Variants in MYRIP observed in about 807,000 individuals in gnomAD.
The protein encoded by MYRIP is rab effector MyRIP.
In MYRIP, 49 loss-of-function variants were observed where a neutral mutation model predicts 98.0. That is an observed-to-expected ratio of 0.50 (90% CI 0.40 to 0.63). The LOEUF is 0.63. Ranked by LOEUF, MYRIP falls within the 30% of genes least tolerant of loss-of-function variation. MYRIP has a pLI of 0.00. For missense variants in MYRIP, 1,004 were observed against 1,058.2 expected (o/e 0.95, Z 0.71); for synonymous variants, 404 against 409.5 (o/e 0.99, Z 0.16).
chr3:39,962,160 C>T (rs899961546), intron 2 of MYRIP, among the ~76,000 whole-genome samples: 4 of 152,016 alleles, frequency 2.6e-5, no homozygotes, highest in African/African-American at 9.7e-5. Context: ...GCCTGTTTGC[C>T]CATCTATAGG....
chr3:39,817,261 C>CTT, intron 1 of MYRIP, among the ~76,000 whole-genome samples: 1 of 152,310 alleles, frequency 6.6e-6, no homozygotes, highest in Non-Finnish European at 1.5e-5. Context: ...ACAGTATCTG[C>CTT]ATGCTCCAGA....
At chr3:40,106,636 G>T (rs576833987) in intron 3 of MYRIP, among the ~76,000 whole-genome samples, 2 of 152,122 alleles carry the variant, frequency 1.3e-5, no homozygotes, top group East Asian at 3.9e-4. Flanking sequence ...TTGTTTGTTT[G>T]GTCCATCAGA....
rs111893710 is a variant in MYRIP at position 39,941,175 on chromosome 3, G to A, written c.110+40249G>A. On this transcript the variant is annotated intron_variant, in intron 2 of 16. Coordinates refer to ENST00000302541, the MANE Select transcript of MYRIP (RefSeq NM_015460.4). ...TTTAAAAAGAAAAGAGGCTTATTTG[G>A]CTCATGGTTCTTCAGGCTGTACAAG... Among the ~76,000 whole-genome samples the A allele has an allele frequency of 1.6e-3, 239 of 152,200 alleles. 1 individual carries two copies. The highest frequency in any genetic ancestry group is 5.6e-3 in the African/African-American group (234 of 41,538).
At chr3:40,043,933 G>C in intron 2 of MYRIP, 117 bp from the exon 3 acceptor site, 1 of 762,748 alleles carries the variant, frequency 1.3e-6, no homozygotes, top group Non-Finnish European at 2.1e-6. Flanking sequence ...TCTCCAGGAA[G>C]GTCCTACATG....
intron 1 of MYRIP, among the ~76,000 whole-genome samples, chr3:39,816,168 G>A (rs147072857): frequency 0.028 from 4,216 of 151,200 alleles, 190 homozygotes; most frequent in East Asian, 0.23. Context: ...TGCAAGCTCC[G>A]CCTCCTGGGT....
chr3:39,978,060 G>C (rs1439021023), intron 2 of MYRIP, among the ~76,000 whole-genome samples: 1 of 152,016 alleles, frequency 6.6e-6, no homozygotes, highest in African/African-American at 2.4e-5. Context: ...CCTGATATAC[G>C]AATTTACTGT....
chr3:39,991,145 T>A (rs1411830277), intron 2 of MYRIP, among the ~76,000 whole-genome samples: 2 of 152,164 alleles, frequency 1.3e-5, no homozygotes, highest in African/African-American at 4.8e-5. Context: ...ACTTAAAGTA[T>A]AATAAAATAA....
chr3:40,060,842 C>T (rs888078008), intron 3 of MYRIP, among the ~76,000 whole-genome samples: 2 of 152,142 alleles, frequency 1.3e-5, no homozygotes, highest in Non-Finnish European at 2.9e-5. Flanking sequence ...ATCCACCTGC[C>T]TCGGCCTCCC....
At chr3:39,818,446 T>G (rs1940993559) in intron 1 of MYRIP, among the ~76,000 whole-genome samples, 1 of 152,210 alleles carries the variant, frequency 6.6e-6, no homozygotes, top group Admixed American at 6.5e-5. Context: ...CATGGCCAAC[T>G]TCACTATAGA....
intron 16 of MYRIP, among the ~76,000 whole-genome samples, chr3:40,255,510 TA>T (rs767763710): frequency 6.6e-6 from 1 of 152,092 alleles, no homozygotes; most frequent in Non-Finnish European, 1.5e-5. Flanking sequence ...ACAGAAAGGT[TA>T]AAAACGAAAG....
intron 3 of MYRIP, among the ~76,000 whole-genome samples, chr3:40,086,163 A>T (rs1361333464): frequency 6.6e-6 from 1 of 152,226 alleles, no homozygotes; most frequent in African/African-American, 2.4e-5. Context: ...GAAACTGCTA[A>T]AGAATTTTCA....
chr3:40,014,118 T>G (rs1946814225), intron 2 of MYRIP, among the ~76,000 whole-genome samples: 1 of 152,214 alleles, frequency 6.6e-6, no homozygotes, highest in Non-Finnish European at 1.5e-5. Context: ...TGGGTTTGCT[T>G]TCCTGTGAAA....
rs1945577412 is a variant in MYRIP at position 39,971,371 on chromosome 3, A to T, written c.110+70445A>T. On this transcript the variant is annotated intron_variant, in intron 2 of 16. Coordinates refer to ENST00000302541, the MANE Select transcript of MYRIP (RefSeq NM_015460.4). ...CTTCAGCTCAACAATGCTCCTGTCA[A>T]AAAGGTGTATTGGGGGTGGCATATT... Among the ~76,000 whole-genome samples, 3 of 152,058 alleles carry T rather than the reference A, an allele frequency of 2.0e-5. No homozygotes were observed. The South Asian group carries it at 6.2e-4, about 32-fold the overall frequency.
chr3:40,138,593 A>G (rs1226003547), intron 3 of MYRIP, among the ~76,000 whole-genome samples: 1 of 152,220 alleles, frequency 6.6e-6, no homozygotes, highest in Non-Finnish European at 1.5e-5. Flanking sequence ...TTTCTCTGAG[A>G]AATCTTAAGA....
intron 11 of MYRIP, among the ~76,000 whole-genome samples, chr3:40,210,344 G>A (rs1027912785): frequency 1.3e-5 from 2 of 152,152 alleles, no homozygotes; most frequent in Admixed American, 1.3e-4. Context: ...ACAGCCCCTT[G>A]GCTTTGAGTC....
At chr3:40,169,796 G>T (rs1034649502) in intron 7 of MYRIP, among the ~76,000 whole-genome samples, 154 bp from the exon 8 acceptor site, 1 of 152,158 alleles carries the variant, frequency 6.6e-6, no homozygotes, top group East Asian at 1.9e-4. Context: ...AATTGTGCTG[G>T]TTTCTCATAG....
intron 2 of MYRIP, among the ~76,000 whole-genome samples, chr3:40,001,401 A>G (rs901459097): frequency 6.6e-6 from 1 of 152,228 alleles, no homozygotes; most frequent in African/African-American, 2.4e-5. Flanking sequence ...CCATATGGAA[A>G]GATTTATTTC....
At chr3:40,043,911 G>T in intron 2 of MYRIP, 139 bp from the exon 3 acceptor site, 2 of 664,692 alleles carry the variant, frequency 3.0e-6, no homozygotes, top group East Asian at 2.7e-5. Context: ...TGATCTTTCT[G>T]AGTTCTCTTG....
rs554480843 is a variant in MYRIP at position 40,211,900 on chromosome 3, G to A, written c.1905+1807G>A. 5.3e-5 allele frequency among the ~76,000 whole-genome samples: 8 copies of A among 152,006 alleles called. No individual in the cohort carries two copies. The East Asian group carries it at 1.6e-3, about 30-fold the overall frequency. ...GGAGCTACTGGGGGGACTTCCTGGGGACTTGGACAAGCGCCCCCATCCTGC... is the reference window on the plus strand; with the variant it reads ...GGAGCTACTGGGGGGACTTCCTGGGAACTTGGACAAGCGCCCCCATCCTGC... On this transcript the variant is annotated intron_variant, in intron 11 of 16. Coordinates refer to ENST00000302541, the MANE Select transcript of MYRIP (RefSeq NM_015460.4).
Sources: gnomAD v4.1 joint callset for allele counts (sites outside exome capture counted in the v4.1 genomes callset) on GRCh38, gnomAD v4.1.1 for gene constraint, MANE v1.5 for transcripts, NCBI Gene and HGNC (gene_info 2026-07-23, HGNC 2026-07-21) for gene names.